Variants in SNX29 observed in about 807,000 individuals in gnomAD.
SNX29 encodes the protein sorting nexin 29, also known as sorting nexin-29.
In SNX29, 78 loss-of-function variants were observed where a neutral mutation model predicts 102.1. The ratio of observed to expected loss-of-function variants is 0.76; its 90% CI spans 0.64 to 0.92. SNX29 has a LOEUF of 0.92. SNX29 is among the 40% of genes least tolerant of loss of function. SNX29 has a pLI of 0.00. For missense variants in SNX29, 1,280 were observed against 1,061.7 expected, an observed-to-expected ratio of 1.21 and a Z score of -2.86; for synonymous variants, 580 against 414.5, an observed-to-expected ratio of 1.40 and a Z score of -4.85.
intron 18 of SNX29, among the ~76,000 whole-genome samples, chr16:12,468,528 G>A (rs538634902): frequency 1.3e-5 from 2 of 152,098 alleles, no homozygotes; most frequent in South Asian, 4.3e-4. Context: ...CCACTCCCAG[G>A]CGTGGTGCCC....
chr16:12,128,997 C>T (rs912248598), intron 12 of SNX29, among the ~76,000 whole-genome samples: 1 of 152,136 alleles, frequency 6.6e-6, no homozygotes, highest in African/African-American at 2.4e-5. Flanking sequence ...GCTGCCAGCC[C>T]CCTGTTGGAG....
At chr16:12,379,960 A>G (rs545120796) in intron 16 of SNX29, among the ~76,000 whole-genome samples, 5 of 152,236 alleles carry the variant, frequency 3.3e-5, no homozygotes, top group Admixed American at 1.3e-4. Context: ...AATTACTGCT[A>G]GGCTTCAGTA....
intron 15 of SNX29, among the ~76,000 whole-genome samples, chr16:12,297,612 T>C (rs2080025569): frequency 6.6e-6 from 1 of 152,106 alleles, no homozygotes; most frequent in Non-Finnish European, 1.5e-5. Flanking sequence ...TAAAAAATGA[T>C]AACCGTGGGT....
At chr16:12,123,487 CATAT>C (rs2054067540) in intron 11 of SNX29, among the ~76,000 whole-genome samples, 19 of 152,124 alleles carry the variant, frequency 1.2e-4, no homozygotes, top group Admixed American at 1.2e-3. Context: ...ACATCATATA[CATAT>C]ATATCATATA....
chr16:12,541,651 C>T (rs1030379861), intron 20 of SNX29, among the ~76,000 whole-genome samples: 1 of 152,302 alleles, frequency 6.6e-6, no homozygotes, highest in Admixed American at 6.5e-5. Context: ...GTTCAGCCAG[C>T]TCCTAATGCA....
chr16:12,083,091 G>A (rs1022586866), intron 11 of SNX29, among the ~76,000 whole-genome samples: 7 of 152,022 alleles, frequency 4.6e-5, no homozygotes, highest in African/African-American at 1.7e-4. Flanking sequence ...AATCACTTGA[G>A]GTCAGGAGTT....
At chr16:12,176,637 G>T (rs1354672441) in intron 13 of SNX29, among the ~76,000 whole-genome samples, 1 of 152,132 alleles carries the variant, frequency 6.6e-6, no homozygotes, top group Admixed American at 6.5e-5. Flanking sequence ...ATGTGTTTAG[G>T]CTATTTACAA....
At chr16:12,448,736 T>C (rs527507229) in intron 18 of SNX29, among the ~76,000 whole-genome samples, 2 of 152,320 alleles carry the variant, frequency 1.3e-5, no homozygotes, top group Admixed American at 6.5e-5. Flanking sequence ...ACTGAGACTT[T>C]CCCTGAAGTG....
chr16:12,231,830 G>A lies in SNX29; in HGVS notation c.1678+32147G>A, dbSNP rs199805632. Among the ~76,000 whole-genome samples the A allele has an allele frequency of 7.9e-5, 12 of 152,298 alleles. No individual in the cohort carries two copies. In the East Asian group the frequency reaches 2.3e-3, roughly 29 times the overall value. ...TGGAACTCCAGTAGGCAAAAACCTA[G>A]CTCCTTATATTTGTAATTCATGAGT... On this transcript the variant is annotated intron_variant, in intron 14 of 20. Transcript: ENST00000566228.
intron 20 of SNX29, among the ~76,000 whole-genome samples, chr16:12,536,070 C>T (rs1472213427): frequency 6.6e-6 from 1 of 152,272 alleles, no homozygotes; most frequent in Middle Eastern, 3.4e-3. Flanking sequence ...CTTCATTCAT[C>T]TAACACACCC....
At chr16:12,562,419 C>T (rs1308292858) in intron 20 of SNX29, among the ~76,000 whole-genome samples, 2 of 152,186 alleles carry the variant, frequency 1.3e-5, no homozygotes, top group Non-Finnish European at 2.9e-5. Flanking sequence ...AATTTACCCA[C>T]TTAAAGTGCA....
intron 18 of SNX29, among the ~76,000 whole-genome samples, chr16:12,412,466 G>A (rs569945023): frequency 1.4e-4 from 21 of 152,194 alleles, no homozygotes; most frequent in African/African-American, 4.6e-4. Flanking sequence ...CACAGCTGCC[G>A]TGGGCAGCTG....
intron 14 of SNX29, among the ~76,000 whole-genome samples, chr16:12,227,178 G>C (rs762840937): frequency 6.6e-6 from 1 of 152,124 alleles, no homozygotes; most frequent in South Asian, 2.1e-4. Context: ...GGACATAGCA[G>C]TAGCTCTTCC....
chr16:12,542,448 C>A (rs1295168298), intron 20 of SNX29, among the ~76,000 whole-genome samples: 3 of 152,220 alleles, frequency 2.0e-5, no homozygotes, highest in African/African-American at 7.2e-5. Flanking sequence ...TTTGTTTCCT[C>A]AGCTTCCCAA....
chr16:12,052,562 T>G (rs559757425), intron 8 of SNX29: 9 of 305,808 alleles, frequency 2.9e-5, no homozygotes, highest in African/African-American at 1.1e-4. Flanking sequence ...TGTTTTCTCT[T>G]TCTATGGTAT....
chr16:12,030,700 C>T (rs985825436), intron 4 of SNX29, among the ~76,000 whole-genome samples: 15 of 152,162 alleles, frequency 9.9e-5, no homozygotes, highest in African/African-American at 3.6e-4. Context: ...TCCCCGTAAC[C>T]CCACTAACTT....
intron 13 of SNX29, among the ~76,000 whole-genome samples, chr16:12,196,005 T>G (rs1304125649): frequency 2.7e-5 from 4 of 149,822 alleles, no homozygotes; most frequent in Non-Finnish European, 5.9e-5. Flanking sequence ...TTTTTTTTTT[T>G]TTGAGACAAG....
intron 20 of SNX29, among the ~76,000 whole-genome samples, chr16:12,548,226 C>G (rs1294711426): frequency 6.6e-6 from 1 of 152,186 alleles, no homozygotes; most frequent in African/African-American, 2.4e-5. Context: ...GATCCTGCCA[C>G]AGTGTTAGGT....
intron 13 of SNX29, among the ~76,000 whole-genome samples, chr16:12,160,593 A>G (rs1474817083): frequency 1.3e-5 from 2 of 152,268 alleles, no homozygotes; most frequent in East Asian, 1.9e-4. Flanking sequence ...GCTAATGGAT[A>G]TAGGTTTTCT....
Sources: allele counts gnomAD v4.1 joint callset (sites outside exome capture counted in the v4.1 genomes callset), GRCh38; gene constraint gnomAD v4.1.1; transcripts MANE v1.5; gene names NCBI Gene and HGNC (gene_info 2026-07-23, HGNC 2026-07-21).